RASGRF2: variants seen among roughly 807,000 people sequenced by gnomAD.
RASGRF2 encodes the protein Ras protein specific guanine nucleotide releasing factor 2.
In RASGRF2, 76 loss-of-function variants were observed where a neutral mutation model predicts 151.0. The observed-to-expected ratio is 0.50, with a 90% CI of 0.42 to 0.61. The LOEUF (loss-of-function observed/expected upper bound fraction) is 0.61. Among genes scored for constraint, RASGRF2 ranks in the 20% least tolerant of loss-of-function variants. The probability of loss-of-function intolerance (pLI) is 0.00; values close to 1 mark genes in which losing one functional copy is unlikely to be tolerated. For synonymous variants in RASGRF2, 504 were observed against 566.5 expected, an observed-to-expected ratio of 0.89 and a Z score of 1.57; for missense variants, 1,148 against 1,564.6, an observed-to-expected ratio of 0.73 and a Z score of 4.49.
At chr5:81,214,309 G>A (rs1354797392) in intron 23 of RASGRF2, among the ~76,000 whole-genome samples, 1 of 152,224 alleles carries the variant, frequency 6.6e-6, no homozygotes, top group African/African-American at 2.4e-5. Flanking sequence ...CTTAGCATGG[G>A]CTAGTGGACT....
intron 17 of RASGRF2, among the ~76,000 whole-genome samples, chr5:81,169,830 CTGCATCACT>C (rs1754603262): frequency 6.9e-6 from 1 of 144,792 alleles, no homozygotes; most frequent in African/African-American, 2.6e-5. Context: ...CCTGCATCAC[CTGCATCACT>C]TGCATCACCT....
chr5:80,996,508 C>T (rs372450271), intron 1 of RASGRF2, among the ~76,000 whole-genome samples: 18,426 of 44,856 alleles, frequency 0.41, 2,169 homozygotes, highest in South Asian at 0.47. Context: ...CTTCTTCCTC[C>T]TCCTCCTCCT....
intron 12 of RASGRF2, among the ~76,000 whole-genome samples, chr5:81,095,285 T>G (rs1475740584): frequency 6.6e-6 from 1 of 152,186 alleles, no homozygotes; most frequent in Non-Finnish European, 1.5e-5. Flanking sequence ...GAGATTGCCC[T>G]GTTAGTAATA....
At chr5:81,222,635 G>A (rs1402144851) in intron 26 of RASGRF2, among the ~76,000 whole-genome samples, 1 of 152,180 alleles carries the variant, frequency 6.6e-6, no homozygotes, top group African/African-American at 2.4e-5. Flanking sequence ...GAAGTTCAGA[G>A]CTGGACCTAC....
rs556487041 is a variant in RASGRF2 at position 81,003,465 on chromosome 5, T to C, written c.289-39412T>C. Among the ~76,000 whole-genome samples, 157 of 152,210 alleles carry C rather than the reference T, an allele frequency of 1.0e-3. 1 individual carries two copies. The Middle Eastern group carries it at 0.014, about 13-fold the overall frequency. ...GTCTCGATCTACTGACCTCGTGATC[T>C]GCCCGCCTTGGCCTCCCAAAGTGCT... On this transcript the variant is annotated intron_variant, in intron 1 of 26. Transcript: ENST00000265080.
chr5:81,026,343 A>G (rs1750031443), intron 1 of RASGRF2, among the ~76,000 whole-genome samples: 1 of 151,088 alleles, frequency 6.6e-6, no homozygotes, highest in African/African-American at 2.4e-5. Flanking sequence ...AAGCTCCCTC[A>G]GTGGTCTCCC....
intron 1 of RASGRF2, among the ~76,000 whole-genome samples, chr5:80,975,754 T>C (rs2112227035): frequency 6.6e-6 from 1 of 152,350 alleles, no homozygotes; most frequent in East Asian, 1.9e-4. Flanking sequence ...ATAGTGGGTT[T>C]AGTTTAAACT....
chr5:81,194,840 C>T (rs778227362), intron 18 of RASGRF2, among the ~76,000 whole-genome samples: 4 of 152,150 alleles, frequency 2.6e-5, no homozygotes, highest in African/African-American at 7.2e-5. Context: ...TCTGCTGCTC[C>T]GCCTCCACTG....
intron 10 of RASGRF2, among the ~76,000 whole-genome samples, chr5:81,093,930 T>C (rs1752464083): frequency 6.6e-6 from 1 of 152,124 alleles, no homozygotes; most frequent in East Asian, 1.9e-4. Context: ...ATAAATATTA[T>C]TCAACACCAT....
At chr5:81,166,921 G>A (rs1393073740) in intron 17 of RASGRF2, among the ~76,000 whole-genome samples, 1 of 152,152 alleles carries the variant, frequency 6.6e-6, no homozygotes, top group Non-Finnish European at 1.5e-5. Flanking sequence ...CTTTCCCCAG[G>A]GGTAAAGGAA....
chr5:81,081,614 T>C (rs1160190930), intron 7 of RASGRF2, among the ~76,000 whole-genome samples: 1 of 152,228 alleles, frequency 6.6e-6, no homozygotes, highest in African/African-American at 2.4e-5. Context: ...AATTGTCATG[T>C]GGTAAACCGA....
intron 2 of RASGRF2, among the ~76,000 whole-genome samples, chr5:81,053,926 T>C (rs988018301): frequency 5.3e-5 from 8 of 152,260 alleles, no homozygotes; most frequent in African/African-American, 1.9e-4. Context: ...AATGTCTTCT[T>C]TTGAGAAGTG....
At chr5:80,966,023 T>C (rs1463651440) in intron 1 of RASGRF2, among the ~76,000 whole-genome samples, 1 of 152,064 alleles carries the variant, frequency 6.6e-6, no homozygotes, top group Non-Finnish European at 1.5e-5. Flanking sequence ...TTTTCACAGG[T>C]TTAAAGTGGC....
intron 1 of RASGRF2, among the ~76,000 whole-genome samples, chr5:81,035,202 G>A (rs1750439299): frequency 6.6e-6 from 1 of 152,068 alleles, no homozygotes; most frequent in South Asian, 2.1e-4. Context: ...GCAAAGACTT[G>A]GAACCAACCC....
intron 15 of RASGRF2, among the ~76,000 whole-genome samples, chr5:81,115,300 A>G (rs187062572): frequency 6.6e-6 from 1 of 152,328 alleles, no homozygotes; most frequent in Admixed American, 6.5e-5. Flanking sequence ...TTGACAAGTT[A>G]GCAACTAAGG....
intron 3 of RASGRF2, among the ~76,000 whole-genome samples, chr5:81,069,664 T>G (rs1751714943): frequency 6.6e-6 from 1 of 152,242 alleles, no homozygotes; most frequent in African/African-American, 2.4e-5. Flanking sequence ...ACTCCCTTTC[T>G]TTTCCCACCT....
At chr5:81,093,330 C>T (rs1752445744) in intron 10 of RASGRF2, among the ~76,000 whole-genome samples, 1 of 152,174 alleles carries the variant, frequency 6.6e-6, no homozygotes, top group Non-Finnish European at 1.5e-5. Flanking sequence ...TTTGCTAAAT[C>T]CTATTTTATC....
intron 17 of RASGRF2, among the ~76,000 whole-genome samples, chr5:81,143,293 G>A (rs767047004): frequency 7.3e-5 from 11 of 151,688 alleles, no homozygotes; most frequent in Admixed American, 2.6e-4. Flanking sequence ...GATTACAGGC[G>A]CATGCTACCA....
At chr5:81,000,471 G>T (rs1749044007) in intron 1 of RASGRF2, among the ~76,000 whole-genome samples, 1 of 152,162 alleles carries the variant, frequency 6.6e-6, no homozygotes. Flanking sequence ...TCAAACTCCT[G>T]ACCTCAGGTG....
Sources: gnomAD v4.1 joint callset for allele counts (sites outside exome capture counted in the v4.1 genomes callset) on GRCh38, gnomAD v4.1.1 for gene constraint, MANE v1.5 for transcripts, NCBI Gene and HGNC (gene_info 2026-07-23, HGNC 2026-07-21) for gene names.